IL1RAP: variants seen among roughly 807,000 people sequenced by gnomAD.
The protein encoded by IL1RAP is interleukin-1 receptor accessory protein.
IL1RAP carries 35 observed loss-of-function variants against 60.7 expected under a neutral mutation model. That is an observed-to-expected ratio of 0.58 (90% CI 0.44 to 0.76). The LOEUF is 0.76. IL1RAP is among the 30% of genes least tolerant of loss of function. The pLI is 0.00. For synonymous variants in IL1RAP, 268 were observed against 250.9 expected (o/e 1.07, Z -0.64); for missense variants, 572 against 693.9 (o/e 0.82, Z 1.97).
At chr3:190,530,667 G>A (rs1236391938) in intron 1 of IL1RAP, among the ~76,000 whole-genome samples, 6 of 152,086 alleles carry the variant, frequency 3.9e-5, no homozygotes, top group African/African-American at 7.2e-5. Flanking sequence ...TTAGAACATC[G>A]GCTTAAATGA....
rs1734332653 is a variant in IL1RAP at position 190,650,557 on chromosome 3, A to G, written c.*1852A>G. On this transcript the variant is annotated 3_prime_UTR_variant, in exon 12 of 12. Transcript: ENST00000447382. ...TTAAGAAAGCCCTTATCCCGGTAACATGAATGTTGATGAACAAATGTAAAA... is the reference window on the plus strand; with the variant it reads ...TTAAGAAAGCCCTTATCCCGGTAACGTGAATGTTGATGAACAAATGTAAAA... 4.3e-6 allele frequency: 4 copies of G among 933,800 alleles called. No homozygotes were observed. In the South Asian group the frequency reaches 2.0e-4, roughly 46 times the overall value. 57.8% of individuals were successfully genotyped at this position (933,800 alleles called of 1,614,324 possible). A position where few individuals can be genotyped will look rare whatever the true frequency, so the allele number is the denominator to read the frequency against.
intron 9 of IL1RAP, among the ~76,000 whole-genome samples, chr3:190,643,897 G>A (rs912156823): frequency 2.6e-5 from 4 of 152,178 alleles, no homozygotes; most frequent in African/African-American, 9.7e-5. Flanking sequence ...ACCGAGGATG[G>A]AATGATAATT....
At chr3:190,607,835 A>G (rs940012908) in intron 4 of IL1RAP, among the ~76,000 whole-genome samples, 5 of 152,036 alleles carry the variant, frequency 3.3e-5, no homozygotes, top group Non-Finnish European at 7.4e-5. Flanking sequence ...ATTTTCTTCT[A>G]TTGATTTTAA....
At position 190,650,509 on chromosome 3, in the gene IL1RAP, T is replaced by A; in HGVS notation, c.*1804T>A. The A allele has an allele frequency of 1.0e-6, 1 of 982,906 alleles. No individual in the cohort carries two copies. The highest frequency in any genetic ancestry group is 1.7e-5 in the African/African-American group (1 of 57,334). 60.9% of individuals were successfully genotyped at this position (982,906 alleles called of 1,614,324 possible). On this transcript the variant is annotated 3_prime_UTR_variant, in exon 12 of 12. Transcript: ENST00000447382. ...TAACTGTAAATGAATCTTGGTATCC[T>A]GTGAAACAGAATAATTCGTAATTTA...
chr3:190,540,784 A>G (rs7638499), intron 1 of IL1RAP, among the ~76,000 whole-genome samples: 126,748 of 152,074 alleles, frequency 0.83, 53,005 homozygotes, highest in African/African-American at 0.87. Flanking sequence ...TTTTATTCTT[A>G]AACAAGCATT....
intron 3 of IL1RAP, among the ~76,000 whole-genome samples, chr3:190,576,806 TA>T (rs1373565115): frequency 6.6e-6 from 1 of 152,196 alleles, no homozygotes; most frequent in Non-Finnish European, 1.5e-5. Context: ...GCTCAAAAAC[TA>T]TATTTTTCAT....
chr3:190,516,730 GA>G (rs10555254), intron 1 of IL1RAP, among the ~76,000 whole-genome samples: 40,519 of 149,612 alleles, frequency 0.27, 6,179 homozygotes, highest in African/African-American at 0.41. Flanking sequence ...TTCTAAAATG[GA>G]AAAAAAAAAT....
chr3:190,627,558 T>A, intron 8 of IL1RAP, 109 bp downstream of exon 8: 1 of 1,352,640 alleles, frequency 7.4e-7, no homozygotes, highest in Non-Finnish European at 9.8e-7. Flanking sequence ...TCCCTATCAC[T>A]AACAAAAATC....
intron 10 of IL1RAP, 116 bp downstream of exon 10, chr3:190,644,513 T>G: frequency 2.6e-6 from 2 of 761,856 alleles, no homozygotes; most frequent in African/African-American, 1.8e-5. Context: ...ACTGGAAGAT[T>G]TAAGCAGATT....
intron 3 of IL1RAP, among the ~76,000 whole-genome samples, chr3:190,602,742 A>G (rs1478287628): frequency 6.6e-6 from 1 of 152,196 alleles, no homozygotes; most frequent in Non-Finnish European, 1.5e-5. Context: ...CACTAAATAT[A>G]TCCTTTCCAA....
In IL1RAP at chr3:190,577,063, C is replaced by T. The variant is rs371135137; in HGVS notation, c.64+12710C>T. Among the ~76,000 whole-genome samples the T allele has an allele frequency of 3.9e-3, 570 of 145,022 alleles. 4 individuals carry two copies. The highest frequency in any genetic ancestry group is 0.013 in the African/African-American group (526 of 38,978). ...TTGCAGGGAGCCGAGATCGCGCCAC[C>T]GCACTCCCGCCTGGGCGACAGAGCG... On this transcript the variant is annotated intron_variant, in intron 3 of 11. Transcript: ENST00000447382.
intron 3 of IL1RAP, among the ~76,000 whole-genome samples, chr3:190,595,029 C>A (rs963386241): frequency 2.0e-5 from 3 of 152,174 alleles, no homozygotes; most frequent in African/African-American, 7.2e-5. Flanking sequence ...CTCCCTCCTT[C>A]ATTCCTGATT....
intron 1 of IL1RAP, among the ~76,000 whole-genome samples, chr3:190,533,523 C>T (rs1174661446): frequency 6.6e-6 from 1 of 152,188 alleles, no homozygotes; most frequent in Non-Finnish European, 1.5e-5. Flanking sequence ...GTCTGAACAA[C>T]TACTCGATTT....
At chr3:190,541,563 A>G (rs1352263095) in intron 1 of IL1RAP, among the ~76,000 whole-genome samples, 1 of 152,150 alleles carries the variant, frequency 6.6e-6, no homozygotes, top group Admixed American at 6.6e-5. Flanking sequence ...GTAACAAATT[A>G]TACGCCTCCA....
intron 1 of IL1RAP, among the ~76,000 whole-genome samples, chr3:190,546,747 C>T (rs1482267909): frequency 1.3e-5 from 2 of 152,136 alleles, no homozygotes; most frequent in Non-Finnish European, 2.9e-5. Flanking sequence ...GGCTTTTAAA[C>T]TATGAGGTTA....
intron 9 of IL1RAP, among the ~76,000 whole-genome samples, chr3:190,633,520 C>G (rs1732964311): frequency 6.6e-6 from 1 of 152,034 alleles, no homozygotes; most frequent in Admixed American, 6.6e-5. Flanking sequence ...CCATACCCGG[C>G]TAATTTTTAT....
At chr3:190,633,077 C>G (rs915929659) in intron 9 of IL1RAP, among the ~76,000 whole-genome samples, 2 of 83,050 alleles carry the variant, frequency 2.4e-5, no homozygotes, top group Admixed American at 2.3e-4. Context: ...TTTTAGGAAC[C>G]ATATATTTTT....
chr3:190,554,195 G>C (rs917793093), intron 1 of IL1RAP, among the ~76,000 whole-genome samples: 11 of 151,190 alleles, frequency 7.3e-5, no homozygotes, highest in African/African-American at 9.7e-5. Context: ...TAGGATTCTT[G>C]TTACACAACC....
At chr3:190,642,523 A>G (rs772840929) in intron 9 of IL1RAP, 1 of 152,216 alleles carries the variant, frequency 6.6e-6, no homozygotes, top group Non-Finnish European at 1.5e-5. Flanking sequence ...CCAGCTTGGA[A>G]TGAGATTCTT....
Sources: allele counts gnomAD v4.1 joint callset (sites outside exome capture counted in the v4.1 genomes callset), GRCh38; gene constraint gnomAD v4.1.1; transcripts MANE v1.5; gene names NCBI Gene and HGNC (gene_info 2026-07-23, HGNC 2026-07-21).